The following GALNT17 variants were observed in gnomAD, a reference collection of about 807,000 sequenced individuals.
GALNT17 encodes polypeptide N-acetylgalactosaminyltransferase 17, also known as UDP-GalNAc:polypeptide N-acetylgalactosaminyltransferase-like 3.
GALNT17 carries 29 observed loss-of-function variants against 63.7 expected under a neutral mutation model. The ratio of observed to expected loss-of-function variants is 0.46; its 90% CI spans 0.34 to 0.62. The LOEUF (loss-of-function observed/expected upper bound fraction) is 0.62, where lower values mean the gene tolerates loss of function less well. Among genes scored for constraint, GALNT17 ranks in the 20% least tolerant of loss-of-function variants. GALNT17 has a pLI of 0.01. For synonymous variants in GALNT17, 305 were observed against 318.3 expected (o/e 0.96, Z 0.45); for missense variants, 603 against 799.6 (o/e 0.75, Z 2.97).
intron 2 of GALNT17, among the ~76,000 whole-genome samples, chr7:71,346,592 T>G (rs1792099650): frequency 6.6e-6 from 1 of 152,080 alleles, no homozygotes; most frequent in South Asian, 2.1e-4. Flanking sequence ...CAGCTCTGTG[T>G]GTATCTTCAA....
At chr7:71,248,369 T>A (rs1169214331) in intron 1 of GALNT17, among the ~76,000 whole-genome samples, 2 of 152,126 alleles carry the variant, frequency 1.3e-5, no homozygotes, top group African/African-American at 4.8e-5. Flanking sequence ...AGCCAAACCG[T>A]ATCAGTTGGT....
At chr7:71,288,093 G>C (rs1419235974) in intron 1 of GALNT17, among the ~76,000 whole-genome samples, 1 of 148,988 alleles carries the variant, frequency 6.7e-6, no homozygotes, top group African/African-American at 2.5e-5. Context: ...GCACACACCT[G>C]TAGTCCCAGC....
intron 1 of GALNT17, among the ~76,000 whole-genome samples, chr7:71,259,379 A>G (rs1405233109): frequency 6.6e-6 from 1 of 152,218 alleles, no homozygotes; most frequent in Non-Finnish European, 1.5e-5. Context: ...GGCAAGAGAA[A>G]TGGTTTAAGA....
chr7:71,407,006 A>G (rs1793339771), intron 3 of GALNT17, among the ~76,000 whole-genome samples: 1 of 152,232 alleles, frequency 6.6e-6, no homozygotes, highest in South Asian at 2.1e-4. Flanking sequence ...TGTCTGTGCC[A>G]AACTCTGCGT....
chr7:71,522,661 G>A (rs1186168252), intron 5 of GALNT17, among the ~76,000 whole-genome samples: 3 of 152,148 alleles, frequency 2.0e-5, no homozygotes, highest in African/African-American at 4.8e-5. Context: ...GATGAGATTT[G>A]GGTGGGGACA....
intron 5 of GALNT17, among the ~76,000 whole-genome samples, chr7:71,467,351 G>A (rs1192347087): frequency 6.6e-6 from 1 of 152,148 alleles, no homozygotes; most frequent in East Asian, 1.9e-4. Flanking sequence ...AATAGATTCA[G>A]CTGTGTTTTC....
At chr7:71,555,005 C>T (rs1025938140) in intron 5 of GALNT17, among the ~76,000 whole-genome samples, 2 of 152,124 alleles carry the variant, frequency 1.3e-5, no homozygotes, top group Admixed American at 1.3e-4. Flanking sequence ...GTGAAGGCTT[C>T]AGACATCTTC....
chr7:71,513,210 A>G (rs1265853360), intron 5 of GALNT17, among the ~76,000 whole-genome samples: 2 of 152,072 alleles, frequency 1.3e-5, no homozygotes, highest in Non-Finnish European at 2.9e-5. Flanking sequence ...TTTCATTTGC[A>G]GCTCTTTATT....
At chr7:71,201,257 A>ATAT (rs10526171) in intron 1 of GALNT17, among the ~76,000 whole-genome samples, 4 of 148,284 alleles carry the variant, frequency 2.7e-5, no homozygotes, top group Admixed American at 2.0e-4. Flanking sequence ...ATATATATAT[A>ATAT]ATTTGTGTGT....
intron 9 of GALNT17, among the ~76,000 whole-genome samples, chr7:71,697,577 T>G (rs561846354): frequency 1.3e-5 from 2 of 152,082 alleles, no homozygotes; most frequent in African/African-American, 2.4e-5. Context: ...ACTCAGAGAA[T>G]AATGCATTAC....
rs150708656 is a variant in GALNT17, at chr7:71,442,297, C to T, written c.962+21192C>T. Among the ~76,000 whole-genome samples the T allele has an allele frequency of 6.1e-3, 923 of 152,138 alleles. 3 individuals carry two copies. The highest frequency in any genetic ancestry group is 0.012 in the South Asian group (57 of 4,816). On this transcript the variant is annotated intron_variant, in intron 5 of 10. Transcript: ENST00000333538. ...CTGCAAGCTCTGCCTGCCGGGTTTA[C>T]GCCATTCTCCTGCCTCAGCCTCCTG...
rs77282052 is a variant in GALNT17 at position 71,706,380 on chromosome 7, T to G, written c.1501-4381T>G. Among the ~76,000 whole-genome samples, 159 of 152,244 alleles carry G rather than the reference T, an allele frequency of 1.0e-3. 3 individuals carry two copies. In the East Asian group the frequency reaches 0.029, roughly 28 times the overall value. ...GACCTCAGAAAGGAGAACCTCTAAC[T>G]CCCAGTGGCATTTAGCTTCCCTCTT... On this transcript the variant is annotated intron_variant, in intron 9 of 10. Coordinates refer to ENST00000333538, the MANE Select transcript of GALNT17 (RefSeq NM_022479.3).
In GALNT17 at chr7:71,364,631, C is replaced by A. The variant is rs1178420829; in HGVS notation, c.423-23604C>A. Among the ~76,000 whole-genome samples the A allele has an allele frequency of 2.6e-5, 4 of 152,112 alleles. No individual in the cohort carries two copies. The East Asian group carries it at 7.7e-4, about 29-fold the overall frequency. On this transcript the variant is annotated intron_variant, in intron 2 of 10. Transcript: ENST00000333538. ...TGACTCATTAAAGCAATTTTTAAACCCAGGCATGGAGTCAGGGAGCAAAAC... is the reference window on the plus strand; with the variant it reads ...TGACTCATTAAAGCAATTTTTAAACACAGGCATGGAGTCAGGGAGCAAAAC...
rs57415756 is a variant in GALNT17, at chr7:71,209,625, A to G, written c.238+76585A>G. On this transcript the variant is annotated intron_variant, in intron 1 of 10. Transcript: ENST00000333538. ...ATTCTCCCACCTCAGCCTCCCAAGT[A>G]TCTGGGACTGCAGGTGTGCATCACC... is the stretch of plus-strand genomic sequence containing the variant. Among the ~76,000 whole-genome samples, 1,449 of 152,244 alleles carry G rather than the reference A, an allele frequency of 9.5e-3. 24 individuals are homozygous for G. Among genetic ancestry groups the G allele is most frequent in the African/African-American group, 0.033 (1,386 of 41,546 alleles).
chr7:71,441,152 A>G (rs939279100), intron 5 of GALNT17, among the ~76,000 whole-genome samples: 1 of 151,842 alleles, frequency 6.6e-6, no homozygotes, highest in Admixed American at 6.6e-5. Context: ...CCTCACAAGT[A>G]GCTGGGACTA....
intron 1 of GALNT17, among the ~76,000 whole-genome samples, chr7:71,210,276 G>A (rs1313158193): frequency 4.6e-5 from 7 of 152,116 alleles, no homozygotes; most frequent in East Asian, 1.9e-4. Flanking sequence ...TTCACAACAC[G>A]TGGGAATTCT....
At chr7:71,426,973 A>G (rs1409091008) in intron 5 of GALNT17, among the ~76,000 whole-genome samples, 1 of 152,096 alleles carries the variant, frequency 6.6e-6, no homozygotes, top group Non-Finnish European at 1.5e-5. Flanking sequence ...TGTTCTTCAT[A>G]GGAAGTTATA....
At chr7:71,683,138 C>T (rs1239258138) in intron 9 of GALNT17, among the ~76,000 whole-genome samples, 1 of 152,118 alleles carries the variant, frequency 6.6e-6, no homozygotes, top group Non-Finnish European at 1.5e-5. Context: ...GCTCATGGCT[C>T]CCCCGGCTCT....
At chr7:71,212,416 T>A (rs150126749) in intron 1 of GALNT17, among the ~76,000 whole-genome samples, 2,094 of 152,328 alleles carry the variant, frequency 0.014, 45 homozygotes, top group African/African-American at 0.048. Flanking sequence ...GGGGCCCTCA[T>A]GGAGAACCTC....
Sources: allele counts gnomAD v4.1 joint callset (sites outside exome capture counted in the v4.1 genomes callset), GRCh38; gene constraint gnomAD v4.1.1; transcripts MANE v1.5; gene names NCBI Gene and HGNC (gene_info 2026-07-23, HGNC 2026-07-21).